Variants in SNX25 observed in about 807,000 individuals in gnomAD.
SNX25 encodes sorting nexin-25.
Under a neutral mutation model 113.7 loss-of-function variants are expected in SNX25, and 62 were observed. That is an observed-to-expected ratio of 0.55 (90% CI 0.44 to 0.67). SNX25 has a LOEUF of 0.67. Among genes scored for constraint, SNX25 ranks in the 30% least tolerant of loss-of-function variants. SNX25 has a pLI of 0.00. For synonymous variants in SNX25, 421 were observed against 436.2 expected (o/e 0.97, Z 0.43); for missense variants, 1,014 against 1,161.0 (o/e 0.87, Z 1.84).
At chr4:185,342,374 G>T (rs2095264166) in intron 12 of SNX25, among the ~76,000 whole-genome samples, 1 of 152,216 alleles carries the variant, frequency 6.6e-6, no homozygotes, top group South Asian at 2.1e-4. Context: ...GGATCACCTA[G>T]GTATCTCACA....
At chr4:185,225,171 T>C (rs1221528788) in intron 1 of SNX25, among the ~76,000 whole-genome samples, 1 of 149,234 alleles carries the variant, frequency 6.7e-6, no homozygotes, top group African/African-American at 2.5e-5. Context: ...CAGGCTGGAG[T>C]GCAGTGGCGC....
downstream of SNX25, chr4:185,374,051 A>G: frequency 9.0e-7 from 1 of 1,116,848 alleles, no homozygotes; most frequent in Non-Finnish European, 1.3e-6. Context: ...TTAAAACGAC[A>G]TTCCCCACCA....
chr4:185,214,158 C>T (rs1004701717), intron 1 of SNX25, among the ~76,000 whole-genome samples: 12 of 152,088 alleles, frequency 7.9e-5, no homozygotes, highest in African/African-American at 2.2e-4. Context: ...TTCATCTACC[C>T]GCTAACATGC....
intron 15 of SNX25, 112 bp from the exon 16 acceptor site, chr4:185,357,559 T>C (rs753566794): frequency 4.5e-6 from 4 of 885,754 alleles, no homozygotes; most frequent in Non-Finnish European, 7.4e-6. Flanking sequence ...CATGACTTGA[T>C]GGCAGGACTG....
chr4:185,240,319 C>G (rs1297922296), intron 1 of SNX25, among the ~76,000 whole-genome samples: 1 of 152,078 alleles, frequency 6.6e-6, no homozygotes, highest in Non-Finnish European at 1.5e-5. Flanking sequence ...GGCAGAGGGG[C>G]TCCTCACTTC....
chr4:185,325,340 T>A (rs2095149061), intron 9 of SNX25, among the ~76,000 whole-genome samples: 1 of 152,086 alleles, frequency 6.6e-6, no homozygotes, highest in Admixed American at 6.6e-5. Flanking sequence ...GAGACCAGCC[T>A]GGCCAACACA....
chr4:185,351,910 G>T lies in SNX25; in HGVS notation c.2466+301G>T, dbSNP rs1392013917. Among the ~76,000 whole-genome samples the T allele has an allele frequency of 2.7e-5, 4 of 150,072 alleles. No individual in the cohort carries two copies. The East Asian group carries it at 8.1e-4, about 30-fold the overall frequency. Reference sequence around the variant, plus strand: ...GCCAAGTGCGGGCCGTCATTGCGGGGTGGGGGGGTTCATGCTGAAGGTTCA... The same window carrying T: ...GCCAAGTGCGGGCCGTCATTGCGGGTTGGGGGGGTTCATGCTGAAGGTTCA... On this transcript the variant is annotated intron_variant, in intron 14 of 18. Coordinates refer to ENST00000652585, the MANE Select transcript of SNX25 (RefSeq NM_001378034.2).
At chr4:185,307,912 A>T (rs977938440) in intron 6 of SNX25, among the ~76,000 whole-genome samples, 6 of 152,108 alleles carry the variant, frequency 3.9e-5, no homozygotes, top group Non-Finnish European at 5.9e-5. Flanking sequence ...GCACTGCCAC[A>T]CCTAGCTAAG....
downstream of SNX25, chr4:185,372,925 G>A: frequency 1.2e-6 from 2 of 1,613,860 alleles, no homozygotes; most frequent in Non-Finnish European, 1.7e-6. Flanking sequence ...ATTCCCTTGA[G>A]CATAGACGTT....
At chr4:185,220,972 T>C (rs1739742205) in intron 1 of SNX25, among the ~76,000 whole-genome samples, 1 of 151,820 alleles carries the variant, frequency 6.6e-6, no homozygotes, top group African/African-American at 2.4e-5. Context: ...CTTGTGATCC[T>C]CCATGCCTCA....
chr4:185,278,607 A>T (rs1335891534), intron 5 of SNX25, among the ~76,000 whole-genome samples: 1 of 152,214 alleles, frequency 6.6e-6, no homozygotes, highest in Non-Finnish European at 1.5e-5. Flanking sequence ...TCAGATCCTG[A>T]CTTTAATAGG....
intron 8 of SNX25, among the ~76,000 whole-genome samples, chr4:185,322,686 T>C (rs565671414): frequency 1.2e-4 from 18 of 152,354 alleles, no homozygotes; most frequent in Admixed American, 2.0e-4. Context: ...ACATAACTTC[T>C]GGTTGTTCTC....
rs776569315 is a variant in SNX25, at chr4:185,346,605, A to G, written c.2256A>G (p.Gln752=). ...AGCTGCCTTTCAAATCTATAGATCA[A>G]AAGTTTATGGAAAAGTCGAAGAATC... ...LSKLPFKSID[Q]KFMEKSKNQL... is the part of the protein sequence containing the mutation. Residue 752 remains glutamine, a synonymous_variant, in exon 13 of 19, where the codon CAA becomes CAG. Transcript: ENST00000652585. 1 of 1,590,112 alleles carries G rather than the reference A, an allele frequency of 6.3e-7. No individual in the cohort carries two copies. Among genetic ancestry groups the G allele is most frequent in the South Asian group, 1.2e-5 (1 of 84,694 alleles).
intron 5 of SNX25, among the ~76,000 whole-genome samples, chr4:185,285,712 A>G (rs1751250559): frequency 6.6e-6 from 1 of 152,176 alleles, no homozygotes; most frequent in Non-Finnish European, 1.5e-5. Flanking sequence ...TTGATGGTTC[A>G]TGATGTAATT....
At chr4:185,275,342 A>G (rs943962741) in intron 5 of SNX25, among the ~76,000 whole-genome samples, 1 of 152,220 alleles carries the variant, frequency 6.6e-6, no homozygotes. Flanking sequence ...TTGGAGAAGA[A>G]AAGAAGATTT....
chr4:185,267,054 G>A lies in SNX25; in HGVS notation c.990G>A (p.Met330Ile), dbSNP rs527841478. Residue 330 changes from methionine (M) to isoleucine (I), a missense_variant, in exon 5 of 19, where the codon ATG (methionine) becomes ATA (isoleucine). Physicochemically the swap from Met to Ile is conservative, Grantham distance 10. Coordinates refer to ENST00000652585, the MANE Select transcript of SNX25 (RefSeq NM_001378034.2). ...CCCAGCTGGCGTACAGAGAGCAAATGAATGAGCATCACAAGAGAGCCTACA... is the reference window on the plus strand; with the variant it reads ...CCCAGCTGGCGTACAGAGAGCAAATAAATGAGCATCACAAGAGAGCCTACA... Reference protein sequence around the residue: ...LLAQLAYREQMNEHHKRAYTY... With the variant: ...LLAQLAYREQINEHHKRAYTY... 1 of 1,613,978 alleles carries A rather than the reference G, an allele frequency of 6.2e-7. No individual in the cohort carries two copies. The highest frequency in any genetic ancestry group is 2.2e-5 in the East Asian group (1 of 44,866).
downstream of SNX25, chr4:185,370,741 C>T (rs375845046): frequency 2.9e-5 from 46 of 1,613,920 alleles, no homozygotes; most frequent in Admixed American, 2.8e-4. Context: ...ATGCCTCTGC[C>T]GATGAACTCC....
At chr4:185,346,785 GT>G in intron 13 of SNX25, 135 bp downstream of exon 13, 23 of 585,646 alleles carry the variant, frequency 3.9e-5, no homozygotes, top group South Asian at 7.7e-5. Context: ...TATCTTGGGT[GT>G]TTTTTTTAAT....
the SNX25 span, chr4:185,377,263 A>ATAC: frequency 2.3e-6 from 1 of 425,758 alleles, no homozygotes; most frequent in African/African-American, 2.0e-5. Flanking sequence ...CACGCCTGTA[A>ATAC]ATCTCAGCAC....
Sources: allele counts gnomAD v4.1 joint callset (sites outside exome capture counted in the v4.1 genomes callset), GRCh38; gene constraint gnomAD v4.1.1; transcripts MANE v1.5; gene names NCBI Gene and HGNC (gene_info 2026-07-23, HGNC 2026-07-21).